GUCY1A2: variants seen among roughly 807,000 people sequenced by gnomAD.
The protein encoded by GUCY1A2 is guanylate cyclase soluble subunit alpha-2.
GUCY1A2 carries 27 observed loss-of-function variants against 63.5 expected under a neutral mutation model. The observed-to-expected ratio is 0.43, with a 90% CI of 0.31 to 0.59. GUCY1A2 has a LOEUF of 0.59. Among genes scored for constraint, GUCY1A2 ranks in the 20% least tolerant of loss-of-function variants. The pLI, the probability that GUCY1A2 is intolerant of heterozygous loss-of-function variation, is 0.11. For synonymous variants in GUCY1A2, 364 were observed against 343.5 expected, an observed-to-expected ratio of 1.06 and a Z score of -0.66; for missense variants, 768 against 913.3, an observed-to-expected ratio of 0.84 and a Z score of 2.05.
At chr11:106,787,220 C>T (rs1864571599) in intron 5 of GUCY1A2, among the ~76,000 whole-genome samples, 1 of 151,368 alleles carries the variant, frequency 6.6e-6, no homozygotes, top group South Asian at 2.1e-4. Context: ...TATAGTCATC[C>T]TGTTGTGCCA....
At position 106,825,074 on chromosome 11, in the gene GUCY1A2, T is replaced by C; in HGVS notation, c.1207-14596A>G. On this transcript the variant is annotated intron_variant, in intron 4 of 7. Coordinates refer to ENST00000526355, the MANE Select transcript of GUCY1A2 (RefSeq NM_000855.3). ...CATAGATATTTTATATGTATGGATC[T>C]ATATTTTCAGAGCTTATCTCTGAAG... 4 of 661,342 alleles carry C rather than the reference T, an allele frequency of 6.0e-6. No individual in the cohort carries two copies. In the South Asian group the frequency reaches 9.1e-5, roughly 15 times the overall value. The allele number at this position is 661,342 out of a possible 1,614,324, so 41.0% of individuals were successfully genotyped here.
At chr11:107,015,615 A>T (rs1215127667) in intron 1 of GUCY1A2, among the ~76,000 whole-genome samples, 1 of 146,630 alleles carries the variant, frequency 6.8e-6, no homozygotes, top group Non-Finnish European at 1.5e-5. Flanking sequence ...AGGTTATATC[A>T]ACAATTCTCC....
intron 3 of GUCY1A2, among the ~76,000 whole-genome samples, chr11:106,944,211 TCTC>T (rs564755106): frequency 3.8e-3 from 56 of 14,754 alleles, no homozygotes; most frequent in African/African-American, 0.038. Context: ...TGAGACCCTG[TCTC>T]CAAAAAAAAA....
At chr11:106,890,363 G>C (rs1019781877) in intron 4 of GUCY1A2, among the ~76,000 whole-genome samples, 1 of 152,034 alleles carries the variant, frequency 6.6e-6, no homozygotes, top group African/African-American at 2.4e-5. Context: ...ATAATATCAA[G>C]AGGAAAACAG....
intron 4 of GUCY1A2, among the ~76,000 whole-genome samples, chr11:106,897,859 C>G (rs1392418070): frequency 6.6e-6 from 1 of 151,886 alleles, no homozygotes; most frequent in Non-Finnish European, 1.5e-5. Context: ...ATGAACTTGA[C>G]TTCATTAAAA....
intron 5 of GUCY1A2, among the ~76,000 whole-genome samples, chr11:106,792,492 A>G (rs1864682278): frequency 6.6e-6 from 1 of 152,228 alleles, no homozygotes; most frequent in African/African-American, 2.4e-5. Context: ...TTCATCACAA[A>G]AACAGAACTA....
chr11:106,958,846 C>T (rs938540844), intron 3 of GUCY1A2, among the ~76,000 whole-genome samples: 1 of 152,174 alleles, frequency 6.6e-6, no homozygotes, highest in Non-Finnish European at 1.5e-5. Context: ...AGCATATACA[C>T]CTCAAACTGT....
intron 4 of GUCY1A2, among the ~76,000 whole-genome samples, chr11:106,884,047 G>A (rs1433752280): frequency 6.6e-6 from 1 of 152,096 alleles, no homozygotes; most frequent in East Asian, 1.9e-4. Context: ...CATGGGGAAG[G>A]GGGAGGGATA....
intron 5 of GUCY1A2, among the ~76,000 whole-genome samples, chr11:106,795,344 G>A (rs567290737): frequency 3.9e-5 from 6 of 152,274 alleles, no homozygotes; most frequent in South Asian, 2.1e-4. Context: ...GATATGAGGC[G>A]ATGACACTAA....
chr11:106,715,172 CTTT>C (rs1863192821), intron 6 of GUCY1A2, among the ~76,000 whole-genome samples: 1 of 152,262 alleles, frequency 6.6e-6, no homozygotes, highest in East Asian at 1.9e-4. Flanking sequence ...TATTCTGCTT[CTTT>C]ATTACCAGGT....
In GUCY1A2 at chr11:106,982,462, T is replaced by A. The variant is rs150546796; in HGVS notation, c.365+3608A>T. 1.7e-3 allele frequency among the ~76,000 whole-genome samples: 260 copies of A among 152,194 alleles called. 1 individual carries two copies. Among genetic ancestry groups the A allele is most frequent in the African/African-American group, 5.9e-3 (245 of 41,528 alleles). ...GCACATTCAATGCCCCCTTGCTCAT[T>A]CTAGGTGGAGGAAAGACAGTGCTAT... is the stretch of plus-strand genomic sequence containing the variant. On this transcript the variant is annotated intron_variant, in intron 2 of 7. Coordinates refer to ENST00000526355, the MANE Select transcript of GUCY1A2 (RefSeq NM_000855.3).
At position 106,781,620 on chromosome 11, in the gene GUCY1A2, G is replaced by A. The variant is rs544278404; in HGVS notation, c.1693-5038C>T. On this transcript the variant is annotated intron_variant, in intron 5 of 7. Coordinates refer to ENST00000526355, the MANE Select transcript of GUCY1A2 (RefSeq NM_000855.3). ...CTCTGCCTACTTAGACTGGAGTACGGTGGCATGATGTGGGCTCTCTGCAAC... is the reference window on the plus strand; with the variant it reads ...CTCTGCCTACTTAGACTGGAGTACGATGGCATGATGTGGGCTCTCTGCAAC... Among the ~76,000 whole-genome samples the A allele has an allele frequency of 5.3e-5, 8 of 152,046 alleles. No homozygotes were observed. The South Asian group carries it at 1.2e-3, about 24-fold the overall frequency.
chr11:106,866,240 T>A (rs184771792), intron 4 of GUCY1A2, among the ~76,000 whole-genome samples: 158 of 151,494 alleles, frequency 1.0e-3, no homozygotes, highest in Admixed American at 3.7e-3. Flanking sequence ...TTCAAGTTCT[T>A]GAATTAAAAA....
intron 6 of GUCY1A2, among the ~76,000 whole-genome samples, chr11:106,720,711 C>T (rs781209817): frequency 1.3e-4 from 20 of 152,112 alleles, no homozygotes; most frequent in Non-Finnish European, 2.5e-4. Flanking sequence ...AATTCAAAGA[C>T]ATACAATATC....
At chr11:106,928,988 G>T (rs1328572508) in intron 4 of GUCY1A2, among the ~76,000 whole-genome samples, 2 of 152,096 alleles carry the variant, frequency 1.3e-5, no homozygotes, top group East Asian at 3.9e-4. Context: ...CAGAATGAAG[G>T]GTTCTGAATC....
intron 3 of GUCY1A2, among the ~76,000 whole-genome samples, chr11:106,973,427 T>C (rs1005666403): frequency 6.6e-6 from 1 of 152,148 alleles, no homozygotes; most frequent in Non-Finnish European, 1.5e-5. Flanking sequence ...TCCTAGTTTC[T>C]AAACTGAAAT....
chr11:106,785,879 T>TC (rs1390245535), intron 5 of GUCY1A2, among the ~76,000 whole-genome samples: 4 of 151,148 alleles, frequency 2.6e-5, no homozygotes, highest in Non-Finnish European at 5.9e-5. Context: ...TATCCACCTT[T>TC]TTTTTTTTTT....
Position 106,898,059 on chromosome 11 carries a change from G to T in GUCY1A2, c.1206+41401C>A, listed in dbSNP as rs192798425. ...ATATCTTAAAAAATACCTCACCAAA[G>T]AAGATACACAGATGTCAAATAACTA... On this transcript the variant is annotated intron_variant, in intron 4 of 7. Coordinates refer to ENST00000526355, the MANE Select transcript of GUCY1A2 (RefSeq NM_000855.3). Among the ~76,000 whole-genome samples the T allele has an allele frequency of 1.3e-3, 191 of 152,164 alleles. 2 individuals are homozygous for T. The highest frequency in any genetic ancestry group is 4.5e-3 in the African/African-American group (185 of 41,528).
At chr11:106,847,779 G>T (rs375055731) in intron 4 of GUCY1A2, among the ~76,000 whole-genome samples, 1 of 151,572 alleles carries the variant, frequency 6.6e-6, no homozygotes, top group Admixed American at 6.6e-5. Flanking sequence ...CATGGGATAA[G>T]AGGCTAAAGA....
Sources: gnomAD v4.1 joint callset for allele counts (sites outside exome capture counted in the v4.1 genomes callset) on GRCh38, gnomAD v4.1.1 for gene constraint, MANE v1.5 for transcripts, NCBI Gene and HGNC (gene_info 2026-07-23, HGNC 2026-07-21) for gene names.